Variants in ANKS6 observed in about 807,000 individuals in gnomAD.
The protein encoded by ANKS6 is ankyrin repeat and sterile alpha motif domain containing 6.
In ANKS6, 47 loss-of-function variants were observed where a neutral mutation model predicts 77.9. The ratio of observed to expected loss-of-function variants is 0.60; its 90% CI spans 0.48 to 0.77. ANKS6 has a LOEUF of 0.77. Among genes scored for constraint, ANKS6 ranks in the 30% least tolerant of loss-of-function variants. ANKS6 has a pLI of 0.00. For synonymous variants in ANKS6, 488 were observed against 501.7 expected, an observed-to-expected ratio of 0.97 and a Z score of 0.37; for missense variants, 1,150 against 1,159.1, an observed-to-expected ratio of 0.99 and a Z score of 0.11.
In ANKS6 at chr9:98,732,451, G is replaced by A; in HGVS notation, c.*4068C>T. 5.9e-6 allele frequency: 9 copies of A among 1,537,080 alleles called. No homozygotes were observed. The highest frequency in any genetic ancestry group is 7.9e-6 in the Non-Finnish European group (9 of 1,135,616). ...GCACATTTGGAGGGCAGGTCCATCG[G>A]CCACTCCTCACTTCTGTGGGCTCCG... On this transcript the variant is annotated 3_prime_UTR_variant, in exon 15 of 15. Coordinates refer to ENST00000353234, the MANE Select transcript of ANKS6 (RefSeq NM_173551.5).
Position 98,790,216 on chromosome 9 carries a change from G to C in ANKS6, c.750C>G (p.Asn250Lys), listed in dbSNP as rs760039982. The change falls in exon 2 of 15, where the codon AAC becomes AAG. Residue 250 changes from asparagine to lysine, a missense_variant. Physicochemically the swap from Asn to Lys is moderately conservative, Grantham distance 94 (BLOSUM62 0). Coordinates refer to ENST00000353234, the MANE Select transcript of ANKS6 (RefSeq NM_173551.5). The stretch of plus-strand genomic sequence containing the variant: ...TCTCCAGCACGCTGAGGTGGTCAGG[G>C]TTGGCGCCCTTCTCCACCAGCTGCT... The part of the protein sequence containing the change: ...VAQQLVEKGA[N>K]PDHLSVLEKT... 12 of 1,607,896 alleles carry C rather than the reference G, an allele frequency of 7.5e-6. No homozygotes were observed. The highest frequency in any genetic ancestry group is 9.4e-6 in the Non-Finnish European group (11 of 1,175,396).
chr9:98,736,440 G>T lies in ANKS6; in HGVS notation c.*79C>A, dbSNP rs568387783. ...ATGACTAAGGCACAGCAGTGTGACG[G>T]GGGCAGGGCTGGGGCTGTGGCCACG... On this transcript the variant is annotated 3_prime_UTR_variant, in exon 15 of 15. Transcript: ENST00000353234. 1.3e-6 allele frequency: 2 copies of T among 1,486,646 alleles called. No homozygotes were observed. Among genetic ancestry groups the T allele is most frequent in the Non-Finnish European group, 1.8e-6 (2 of 1,118,194 alleles). 92.1% of individuals were successfully genotyped at this position (1,486,646 alleles called of 1,614,324 possible).
At chr9:98,769,058 G>T (rs1419185329) in intron 10 of ANKS6, among the ~76,000 whole-genome samples, 1 of 72,808 alleles carries the variant, frequency 1.4e-5, no homozygotes, top group Non-Finnish European at 3.2e-5. Context: ...ACCCAGAAGG[G>T]GGAGGCTGCA....
In ANKS6 at chr9:98,777,454, C is replaced by T; in HGVS notation, c.1568G>A (p.Gly523Asp). Residue 523 changes from glycine (G) to aspartate (D), a missense_variant and splice_region_variant, in exon 8 of 15, where the codon GGT becomes GAT. By Grantham distance (94) the Gly-to-Asp change is moderately conservative. Coordinates refer to ENST00000353234, the MANE Select transcript of ANKS6 (RefSeq NM_173551.5). ...CTTTTCTCCTCTTGTGCTCCCAGGA[C>T]CTGAGAGACAAATGGAAATTTCCTG... is the stretch of plus-strand genomic sequence containing the variant. ...PDAAPVTKDN[G>D]PGSTRGEKED... 2 of 1,614,146 alleles carry T rather than the reference C, an allele frequency of 1.2e-6. No individual in the cohort carries two copies. The highest frequency in any genetic ancestry group is 2.2e-5 in the South Asian group (2 of 91,082).
intron 6 of ANKS6, 46 bp from the exon 7 acceptor site, chr9:98,778,470 G>T: frequency 6.3e-7 from 1 of 1,593,894 alleles, no homozygotes; most frequent in Non-Finnish European, 8.6e-7. Context: ...GGAAGGGCAA[G>T]GAGACCAGGC....
intron 14 of ANKS6, among the ~76,000 whole-genome samples, chr9:98,738,844 C>T (rs1005847910): frequency 6.6e-6 from 1 of 152,154 alleles, no homozygotes; most frequent in East Asian, 1.9e-4. Context: ...TGGAACCAAC[C>T]CAAATGCCCA....
intron 12 of ANKS6, among the ~76,000 whole-genome samples, chr9:98,754,734 A>G (rs531018738): frequency 9.3e-4 from 141 of 152,296 alleles, no homozygotes; most frequent in Middle Eastern, 3.4e-3. Flanking sequence ...CTCAGGACCC[A>G]GGAACTCTCA....
chr9:98,756,138 G>T (rs747939094), intron 12 of ANKS6, among the ~76,000 whole-genome samples: 9 of 152,172 alleles, frequency 5.9e-5, no homozygotes, highest in Non-Finnish European at 1.2e-4. Flanking sequence ...TCCAGGGAAA[G>T]TAAGTTCGTG....
At chr9:98,779,124 C>T (rs1373769681) in intron 6 of ANKS6, among the ~76,000 whole-genome samples, 2 of 152,206 alleles carry the variant, frequency 1.3e-5, no homozygotes, top group Admixed American at 6.5e-5. Context: ...GTCTGCAGCC[C>T]TCAGAAGGCG....
chr9:98,756,998 T>C lies in ANKS6; in HGVS notation c.2143-395A>G, dbSNP rs74820178. ...CTGGCTTAGGGAGGCACAAAGTCTC[T>C]TTCTGCTCTTGATGCTCCTTCATCT... On this transcript the variant is annotated intron_variant, in intron 11 of 14. Transcript: ENST00000353234. Among the ~76,000 whole-genome samples, 442 of 152,174 alleles carry C rather than the reference T, an allele frequency of 2.9e-3. 25 individuals carry two copies. The East Asian group carries it at 0.08, about 28-fold the overall frequency.
Position 98,773,900 on chromosome 9 carries a change from C to T in ANKS6, c.1798G>A (p.Val600Met), listed in dbSNP as rs529911812. 1.6e-5 allele frequency: 25 copies of T among 1,572,780 alleles called. No individual in the cohort carries two copies. Among genetic ancestry groups the T allele is most frequent in the South Asian group, 7.0e-5 (6 of 86,206 alleles). ...LPQRASRGHP[V>M]GGGGTDTTPV... ...ACAGTGTCTGTGCCCCCGCCGCCCA[C>T]GGGGTGGCCCCTGCTGGCTCTCTGG... The change falls in exon 9 of 15, where the codon GTG becomes ATG. Residue 600 changes from valine to methionine, a missense_variant. Transcript: ENST00000353234.
chr9:98,735,714 T>G lies in ANKS6; in HGVS notation c.*805A>C, dbSNP rs925395481. On this transcript the variant is annotated 3_prime_UTR_variant, in exon 15 of 15. Transcript: ENST00000353234. Reference sequence around the variant, plus strand: ...CTTTGCAGATAAGGAAACTGAAAGCTAGGAAGAAGAAGGGATCCACACAGC... The same window carrying G: ...CTTTGCAGATAAGGAAACTGAAAGCGAGGAAGAAGAAGGGATCCACACAGC... The G allele has an allele frequency of 1.9e-5, 24 of 1,231,476 alleles. No individual in the cohort carries two copies. Among genetic ancestry groups the G allele is most frequent in the Non-Finnish European group, 2.3e-5 (23 of 987,944 alleles). The allele number at this position is 1,231,476 out of a possible 1,614,324, so 76.3% of individuals were successfully genotyped here.
In ANKS6 at chr9:98,790,600, C is replaced by A; in HGVS notation, c.366G>T (p.Gly122=). 1 of 1,595,640 alleles carries A rather than the reference C, an allele frequency of 6.3e-7. No individual in the cohort carries two copies. Among genetic ancestry groups the A allele is most frequent in the Non-Finnish European group, 8.6e-7 (1 of 1,165,298 alleles). ...WSALMQAARF[G]HVSVAHLLLD... is the part of the protein sequence containing the mutation. ...ACAGGAGGTGTGCCACACTCACATG[C>A]CCAAATCTGCCAGGAAGATGGAGAA... The change falls in exon 2 of 15, where the codon GGG becomes GGT. Residue 122 remains glycine (G), a synonymous_variant. Coordinates refer to ENST00000353234, the MANE Select transcript of ANKS6 (RefSeq NM_173551.5).
chr9:98,756,793 A>G (rs376005804), intron 11 of ANKS6, among the ~76,000 whole-genome samples, 190 bp from the exon 12 acceptor site: 3 of 152,138 alleles, frequency 2.0e-5, no homozygotes, highest in African/African-American at 4.8e-5. Context: ...GGAAAATGCA[A>G]CCCTGGAGCA....
In ANKS6 at chr9:98,735,328, T is replaced by A. The variant is rs1831438904; in HGVS notation, c.*1191A>T. 9.8e-7 allele frequency: 1 copy of A among 1,021,606 alleles called. No individual in the cohort carries two copies. The highest frequency in any genetic ancestry group is 1.7e-5 in the African/African-American group (1 of 58,820). 63.3% of individuals were successfully genotyped at this position (1,021,606 alleles called of 1,614,324 possible). A position where few individuals can be genotyped will look rare whatever the true frequency, so the allele number is the denominator to read the frequency against. The stretch of plus-strand genomic sequence containing the variant: ...TGTCGAGAGCCTGAAGGCTCTGTAT[T>A]GTGTCTGCACACTTGGCACCTGGTA... On this transcript the variant is annotated 3_prime_UTR_variant, in exon 15 of 15. Coordinates refer to ENST00000353234, the MANE Select transcript of ANKS6 (RefSeq NM_173551.5).
chr9:98,757,791 G>T (rs1244492508), intron 11 of ANKS6, among the ~76,000 whole-genome samples: 1 of 152,098 alleles, frequency 6.6e-6, no homozygotes, highest in Non-Finnish European at 1.5e-5. Context: ...AGCCAAGTGT[G>T]GTGGTGGGTG....
chr9:98,778,310 G>C lies in ANKS6; in HGVS notation c.1483C>G (p.Leu495Val), dbSNP rs1834030092. The C allele has an allele frequency of 6.2e-7, 1 of 1,614,200 alleles. No homozygotes were observed. Among genetic ancestry groups the C allele is most frequent in the Admixed American group, 1.7e-5 (1 of 60,032 alleles). Residue 495 changes from leucine (L) to valine (V), a missense_variant, in exon 7 of 15, where the codon CTG becomes GTG. Leu to Val is a conservative substitution (Grantham distance 32). Transcript: ENST00000353234. ...GGGGCAGCCCTCATTGTGGAGTCCAGAGCTGGCTCAGGCTCGTCAGAGAAA... is the reference window on the plus strand; with the variant it reads ...GGGGCAGCCCTCATTGTGGAGTCCACAGCTGGCTCAGGCTCGTCAGAGAAA... Reference protein sequence around the residue: ...LPFSDEPEPALDSTMRAAPQD... With the variant: ...LPFSDEPEPAVDSTMRAAPQD...
chr9:98,766,347 G>T (rs573578748), intron 11 of ANKS6, among the ~76,000 whole-genome samples: 4 of 152,018 alleles, frequency 2.6e-5, no homozygotes, highest in African/African-American at 9.6e-5. Flanking sequence ...AAAATTAAAG[G>T]AAGCTAACAT....
chr9:98,774,456 GAC>G (rs1341736302), intron 8 of ANKS6, among the ~76,000 whole-genome samples: 3 of 152,182 alleles, frequency 2.0e-5, no homozygotes, highest in African/African-American at 7.2e-5. Flanking sequence ...AGCTGAGAAC[GAC>G]AGTTTAAGCT....
Sources: allele counts gnomAD v4.1 joint callset (sites outside exome capture counted in the v4.1 genomes callset), GRCh38; gene constraint gnomAD v4.1.1; transcripts MANE v1.5; gene names NCBI Gene and HGNC (gene_info 2026-07-23, HGNC 2026-07-21).